PTPRM: variants seen among roughly 807,000 people sequenced by gnomAD.
The protein encoded by PTPRM is protein tyrosine phosphatase receptor type M, also known as receptor-type tyrosine-protein phosphatase mu.
A neutral mutation model predicts 186.7 loss-of-function variants in PTPRM; 47 were observed. That is an observed-to-expected ratio of 0.25 (90% CI 0.20 to 0.32). The LOEUF is 0.32. PTPRM is among the 10% of genes least tolerant of loss of function. The probability of loss-of-function intolerance (pLI) is 1.00; values close to 1 mark genes in which losing one functional copy is unlikely to be tolerated. For synonymous variants in PTPRM, 668 were observed against 674.9 expected (o/e 0.99, Z 0.16); for missense variants, 1,494 against 1,865.0 (o/e 0.80, Z 3.66).
At chr18:7,596,600 T>C (rs1235223925) in intron 1 of PTPRM, among the ~76,000 whole-genome samples, 1 of 152,156 alleles carries the variant, frequency 6.6e-6, no homozygotes, top group Non-Finnish European at 1.5e-5. Flanking sequence ...ATCATAGGTA[T>C]GTGCATATAG....
intron 5 of PTPRM, among the ~76,000 whole-genome samples, chr18:7,945,172 G>A (rs549347644): frequency 2.4e-4 from 37 of 152,004 alleles, no homozygotes; most frequent in African/African-American, 8.9e-4. Flanking sequence ...GCAGAGTCCC[G>A]GCCGGGCGTG....
intron 1 of PTPRM, among the ~76,000 whole-genome samples, chr18:7,749,846 G>A (rs1051775537): frequency 6.6e-6 from 1 of 152,172 alleles, no homozygotes; most frequent in Non-Finnish European, 1.5e-5. Flanking sequence ...TTTTTAAGTG[G>A]AGTTATCTGC....
At chr18:7,634,697 G>T (rs2038272044) in intron 1 of PTPRM, among the ~76,000 whole-genome samples, 1 of 152,112 alleles carries the variant, frequency 6.6e-6, no homozygotes, top group Non-Finnish European at 1.5e-5. Context: ...TAAAATCCTT[G>T]ACGATGGATT....
intron 14 of PTPRM, among the ~76,000 whole-genome samples, chr18:8,147,275 C>T (rs2092907861): frequency 6.6e-6 from 1 of 152,172 alleles, no homozygotes; most frequent in Non-Finnish European, 1.5e-5. Flanking sequence ...TCTTCCTATC[C>T]ATGAGCATAG....
At chr18:8,002,653 C>G (rs76336229) in intron 7 of PTPRM, among the ~76,000 whole-genome samples, 45 of 152,324 alleles carry the variant, frequency 3.0e-4, no homozygotes, top group African/African-American at 1.1e-3. Context: ...CGCCCAGGCT[C>G]CAACTCAGAT....
chr18:7,814,446 G>T lies in PTPRM; in HGVS notation c.196+40175G>T, dbSNP rs1053154361. On this transcript the variant is annotated intron_variant, in intron 2 of 32. Coordinates refer to ENST00000580170, the MANE Select transcript of PTPRM (RefSeq NM_001105244.2). ...GCAGGATTCTGAGATGGGCCTGGAA[G>T]AATGGATGATATTTCAACAGGGGGT... 10 of 152,226 alleles carry T rather than the reference G, an allele frequency of 6.6e-5. No individual in the cohort carries two copies. In the East Asian group the frequency reaches 7.7e-4, roughly 12 times the overall value. 9.4% of individuals were successfully genotyped at this position (152,226 alleles called of 1,614,324 possible).
At chr18:7,851,642 CAAAA>C (rs58055625) in intron 2 of PTPRM, among the ~76,000 whole-genome samples, 1 of 149,840 alleles carries the variant, frequency 6.7e-6, no homozygotes, top group South Asian at 2.1e-4. Flanking sequence ...AACAAAAAAA[CAAAA>C]AAAAAAACTG....
intron 14 of PTPRM, among the ~76,000 whole-genome samples, chr18:8,189,304 A>AAT (rs397713269): frequency 2.0e-5 from 3 of 150,742 alleles, no homozygotes; most frequent in African/African-American, 7.3e-5. Flanking sequence ...AAAAAAAAAA[A>AAT]GGTCTCAGGG....
intron 7 of PTPRM, among the ~76,000 whole-genome samples, chr18:7,985,034 A>T (rs1223906026): frequency 8.1e-6 from 1 of 124,090 alleles, no homozygotes; most frequent in African/African-American, 3.2e-5. Flanking sequence ...TACATATATA[A>T]ATATATACAT....
intron 14 of PTPRM, among the ~76,000 whole-genome samples, chr18:8,227,316 C>T (rs2094225727): frequency 6.6e-6 from 1 of 152,186 alleles, no homozygotes; most frequent in African/African-American, 2.4e-5. Flanking sequence ...CTGAAGCAAC[C>T]TCTTTTAGTT....
chr18:7,987,557 G>A (rs76382345), intron 7 of PTPRM, among the ~76,000 whole-genome samples: 172 of 152,176 alleles, frequency 1.1e-3, no homozygotes, highest in African/African-American at 4.0e-3. Flanking sequence ...ACAGCAAACC[G>A]ATCTCTGTTA....
chr18:7,724,424 ACAAGAAAATATGGCTCTTGACAAG>A (rs1422572720), intron 1 of PTPRM, among the ~76,000 whole-genome samples: 1 of 152,242 alleles, frequency 6.6e-6, no homozygotes, highest in Admixed American at 6.5e-5. Context: ...GACCAAACCT[ACAAGAAAATATGGCTCTTGACAAG>A]TAGTAACTGT....
chr18:8,217,418 CACCTACATTCTTTCTAAAG>C (rs991462436), intron 14 of PTPRM, among the ~76,000 whole-genome samples: 1 of 152,148 alleles, frequency 6.6e-6, no homozygotes, highest in Non-Finnish European at 1.5e-5. Context: ...ACAGATATTC[CACCTACATTCTTTCTAAAG>C]ACATCAAATT....
At chr18:8,395,546 G>A (rs914955476) in intron 32 of PTPRM, among the ~76,000 whole-genome samples, 1 of 152,088 alleles carries the variant, frequency 6.6e-6, no homozygotes. Flanking sequence ...CACTCATCAC[G>A]AACCACTCTC....
chr18:8,006,055 A>G (rs2084167800), intron 7 of PTPRM, among the ~76,000 whole-genome samples: 1 of 152,092 alleles, frequency 6.6e-6, no homozygotes, highest in African/African-American at 2.4e-5. Flanking sequence ...ATGCTGCTGG[A>G]GCCCTTGTGA....
At chr18:8,386,678 CTCTA>C (rs2095776380) in intron 30 of PTPRM, among the ~76,000 whole-genome samples, 1 of 152,230 alleles carries the variant, frequency 6.6e-6, no homozygotes, top group Admixed American at 6.5e-5. Context: ...AAGCAGTGTT[CTCTA>C]TCTTCACACT....
chr18:8,389,487 G>T (rs1598565579), intron 31 of PTPRM, among the ~76,000 whole-genome samples: 1 of 152,132 alleles, frequency 6.6e-6, no homozygotes, highest in Admixed American at 6.5e-5. Flanking sequence ...ACGGTGGGAG[G>T]CATCCGTTGT....
chr18:7,933,549 A>G (rs981468306), intron 5 of PTPRM, among the ~76,000 whole-genome samples: 1 of 152,146 alleles, frequency 6.6e-6, no homozygotes, highest in Non-Finnish European at 1.5e-5. Flanking sequence ...CCCATGGAAC[A>G]GGGGGGACTG....
At chr18:7,572,867 C>A (rs1317605268) in intron 1 of PTPRM, among the ~76,000 whole-genome samples, 3 of 152,252 alleles carry the variant, frequency 2.0e-5, no homozygotes, top group South Asian at 4.2e-4. Context: ...TAAAAAGGTA[C>A]AAAATAATGT....
Sources: allele counts gnomAD v4.1 joint callset (sites outside exome capture counted in the v4.1 genomes callset), GRCh38; gene constraint gnomAD v4.1.1; transcripts MANE v1.5; gene names NCBI Gene and HGNC (gene_info 2026-07-23, HGNC 2026-07-21).